HNF1B: variants seen among roughly 807,000 people sequenced by gnomAD.
HNF1B encodes HNF1 homeobox B, also known as hepatocyte nuclear factor 1-beta.
In HNF1B, 8 loss-of-function variants were observed where a neutral mutation model predicts 61.7. That is an observed-to-expected ratio of 0.13 (90% CI 0.08 to 0.23). HNF1B has a LOEUF of 0.23. Ranked by LOEUF, HNF1B falls within the 10% of genes least tolerant of loss-of-function variation. HNF1B has a pLI of 1.00. For missense variants in HNF1B, 562 were observed against 714.5 expected (o/e 0.79, Z 2.43); for synonymous variants, 314 against 287.7 (o/e 1.09, Z -0.93).
At position 37,737,841 on chromosome 17, in the gene HNF1B, TTAAA is replaced by T. The variant is rs554122367; in HGVS notation, c.544+1595_544+1598del. On this transcript the variant is annotated intron_variant, in intron 2 of 8. Transcript: ENST00000617811. ...CAGAGCGAGACCCCGTCTCAAAAAG[TTAAA>T]TAAATAAATAAATAAATAAAACAAA... Among the ~76,000 whole-genome samples the T allele has an allele frequency of 2.2e-4, 34 of 151,868 alleles. No homozygotes were observed. The South Asian group carries it at 2.9e-3, about 13-fold the overall frequency.
chr17:37,721,433 G>C (rs986509773), intron 4 of HNF1B, among the ~76,000 whole-genome samples: 3 of 152,132 alleles, frequency 2.0e-5, no homozygotes, highest in Admixed American at 2.0e-4. Context: ...CCCAAGACTG[G>C]ATGCCACACA....
intron 1 of HNF1B, among the ~76,000 whole-genome samples, chr17:37,741,066 A>G (rs2033977699): frequency 6.6e-6 from 1 of 152,220 alleles, no homozygotes; most frequent in African/African-American, 2.4e-5. Flanking sequence ...GTATGTTGAT[A>G]TATATATTAG....
At chr17:37,701,315 T>G (rs144633128) in intron 6 of HNF1B, 138 bp from the exon 7 acceptor site, 2 of 815,958 alleles carry the variant, frequency 2.5e-6, no homozygotes, top group Non-Finnish European at 4.1e-6. Context: ...GGGAGGCAAG[T>G]GTAAAGAAAC....
intron 4 of HNF1B, chr17:37,728,546 T>A (rs1199790618): frequency 6.6e-6 from 1 of 151,498 alleles, no homozygotes; most frequent in Non-Finnish European, 1.5e-5. Flanking sequence ...GACTTCGTGA[T>A]CCGCCCGCCT....
chr17:37,740,124 A>G (rs1389110849), intron 1 of HNF1B, among the ~76,000 whole-genome samples: 1 of 152,060 alleles, frequency 6.6e-6, no homozygotes, highest in Non-Finnish European at 1.5e-5. Flanking sequence ...GCCCAGCACC[A>G]CACCCAGCTA....
chr17:37,695,019 G>A (rs1476185040), intron 8 of HNF1B, among the ~76,000 whole-genome samples: 1 of 152,230 alleles, frequency 6.6e-6, no homozygotes, highest in African/African-American at 2.4e-5. Context: ...CTTGACTAAA[G>A]AGGGCTGCAT....
intron 2 of HNF1B, among the ~76,000 whole-genome samples, chr17:37,736,943 T>C (rs2033849218): frequency 6.6e-6 from 1 of 152,192 alleles, no homozygotes; most frequent in African/African-American, 2.4e-5. Flanking sequence ...CCCTTCAGAT[T>C]AATTGGGGTT....
At chr17:37,713,388 A>G (rs941434426) in intron 4 of HNF1B, among the ~76,000 whole-genome samples, 2 of 152,256 alleles carry the variant, frequency 1.3e-5, no homozygotes, top group African/African-American at 2.4e-5. Flanking sequence ...TTCCGCAGGA[A>G]ACAAAAGGCT....
intron 4 of HNF1B, among the ~76,000 whole-genome samples, chr17:37,715,860 G>A (rs3110651): frequency 6.6e-6 from 1 of 152,082 alleles, no homozygotes. Flanking sequence ...GGCCGGGCAC[G>A]GTGGCTCATG....
chr17:37,740,636 TAA>T (rs536912372), intron 1 of HNF1B, among the ~76,000 whole-genome samples: 5 of 144,676 alleles, frequency 3.5e-5, no homozygotes, highest in African/African-American at 2.5e-5. Context: ...GGCAAGTAGT[TAA>T]AAAAAAAAAA....
At chr17:37,690,682 C>A (rs932211322) in intron 8 of HNF1B, among the ~76,000 whole-genome samples, 2 of 152,182 alleles carry the variant, frequency 1.3e-5, no homozygotes, top group African/African-American at 4.8e-5. Context: ...CTCACTTGAA[C>A]AACTGGTACC....
At chr17:37,706,542 A>G (rs2032754603) in intron 5 of HNF1B, among the ~76,000 whole-genome samples, 1 of 152,060 alleles carries the variant, frequency 6.6e-6, no homozygotes. Flanking sequence ...CAAAAACCAA[A>G]CAGGTTTGTT....
intron 4 of HNF1B, among the ~76,000 whole-genome samples, chr17:37,723,718 A>T (rs9914818): frequency 0.42 from 63,808 of 151,960 alleles, 13,491 homozygotes; most frequent in Middle Eastern, 0.49. Flanking sequence ...TCCAAGAAGG[A>T]CAAGGAAAGA....
chr17:37,739,743 T>C (rs1254963293), intron 1 of HNF1B, 104 bp from the exon 2 acceptor site: 3 of 1,113,188 alleles, frequency 2.7e-6, no homozygotes, highest in African/African-American at 1.6e-5. Flanking sequence ...ATTCTGAATT[T>C]TCCCCCCATC....
intron 4 of HNF1B, among the ~76,000 whole-genome samples, chr17:37,722,028 T>G (rs2033336126): frequency 6.6e-6 from 1 of 152,088 alleles, no homozygotes; most frequent in Non-Finnish European, 1.5e-5. Context: ...ACTCCAAAGG[T>G]GTGCGTGGGT....
chr17:37,719,549 C>A (rs773672045), intron 4 of HNF1B, among the ~76,000 whole-genome samples: 1 of 152,240 alleles, frequency 6.6e-6, no homozygotes, highest in African/African-American at 2.4e-5. Flanking sequence ...ACACAGAGTG[C>A]CCTTCTGCAG....
chr17:37,718,916 C>T (rs1038264834), intron 4 of HNF1B, among the ~76,000 whole-genome samples: 3 of 152,102 alleles, frequency 2.0e-5, no homozygotes, highest in Non-Finnish European at 4.4e-5. Context: ...GGAGTATGTC[C>T]ATTTATCCTC....
intron 8 of HNF1B, among the ~76,000 whole-genome samples, chr17:37,691,494 G>GT (rs2032203177): frequency 6.6e-6 from 1 of 152,092 alleles, no homozygotes; most frequent in African/African-American, 2.4e-5. Context: ...CCTTTGCCAC[G>GT]TAAGACCCTT....
At chr17:37,699,834 T>C (rs1467185015) in intron 7 of HNF1B, among the ~76,000 whole-genome samples, 1 of 152,166 alleles carries the variant, frequency 6.6e-6, no homozygotes, top group Non-Finnish European at 1.5e-5. Flanking sequence ...CGAGTGGGGA[T>C]TGAGCCCTGA....
Sources: gnomAD v4.1 joint callset for allele counts (sites outside exome capture counted in the v4.1 genomes callset) on GRCh38, gnomAD v4.1.1 for gene constraint, MANE v1.5 for transcripts, NCBI Gene and HGNC (gene_info 2026-07-23, HGNC 2026-07-21) for gene names.